The following FAF1 variants were observed in gnomAD, a reference collection of about 807,000 sequenced individuals.
FAF1 encodes FAS-associated factor 1.
Under a neutral mutation model 92.5 loss-of-function variants are expected in FAF1, and 25 were observed. The ratio of observed to expected loss-of-function variants is 0.27; its 90% CI spans 0.20 to 0.38. The LOEUF is 0.38. Among genes scored for constraint, FAF1 ranks in the 10% least tolerant of loss-of-function variants. The pLI, the probability that FAF1 is intolerant of heterozygous loss-of-function variation, is 1.00. For missense variants in FAF1, 636 were observed against 793.3 expected, an observed-to-expected ratio of 0.80 and a Z score of 2.38; for synonymous variants, 234 against 273.2, an observed-to-expected ratio of 0.86 and a Z score of 1.42.
chr1:50,827,398 G>A (rs1467751761), intron 2 of FAF1, among the ~76,000 whole-genome samples: 2 of 152,154 alleles, frequency 1.3e-5, no homozygotes, highest in African/African-American at 4.8e-5. Context: ...GGTGGTGCAA[G>A]ATGTGCTTTG....
chr1:50,860,789 T>C (rs1203367616), intron 1 of FAF1, among the ~76,000 whole-genome samples: 2 of 151,872 alleles, frequency 1.3e-5, no homozygotes, highest in African/African-American at 4.8e-5. Flanking sequence ...ACTCACACGT[T>C]AATCGCAGCA....
intron 1 of FAF1, among the ~76,000 whole-genome samples, chr1:50,887,328 C>T (rs753677836): frequency 7.2e-5 from 11 of 152,122 alleles, no homozygotes; most frequent in Non-Finnish European, 1.3e-4. Flanking sequence ...CGGTAGGTTG[C>T]CTGTTCACTC....
At position 50,440,197 on chromosome 1, in the gene FAF1, G is replaced by T. The variant is rs138067885; in HGVS notation, c.*1243C>A. On this transcript the variant is annotated 3_prime_UTR_variant, in exon 19 of 19. Coordinates refer to ENST00000396153, the MANE Select transcript of FAF1 (RefSeq NM_007051.3). Reference sequence around the variant, plus strand: ...AAACAGATATGGAGAAATATTTCAAGACTAAAAATAAATCATTGGCTGTGA... The same window carrying T: ...AAACAGATATGGAGAAATATTTCAATACTAAAAATAAATCATTGGCTGTGA... The T allele has an allele frequency of 6.6e-6, 1 of 152,146 alleles. No homozygotes were observed. Among genetic ancestry groups the T allele is most frequent in the Non-Finnish European group, 1.5e-5 (1 of 68,022 alleles). The allele number at this position is 152,146 out of a possible 1,614,324, so 9.4% of individuals were successfully genotyped here. A position where few individuals can be genotyped will look rare whatever the true frequency, so the allele number is the denominator to read the frequency against.
At chr1:50,944,108 T>A (rs1645155572) in intron 1 of FAF1, among the ~76,000 whole-genome samples, 1 of 152,176 alleles carries the variant, frequency 6.6e-6, no homozygotes, top group Admixed American at 6.5e-5. Flanking sequence ...TGAGTGAAGT[T>A]GATGAGATGG....
chr1:50,593,476 A>C (rs578078050), intron 9 of FAF1, among the ~76,000 whole-genome samples: 5 of 152,284 alleles, frequency 3.3e-5, no homozygotes, highest in African/African-American at 1.2e-4. Flanking sequence ...AGTATGACCT[A>C]CTCTAGCCAT....
intron 17 of FAF1, among the ~76,000 whole-genome samples, chr1:50,476,920 C>T (rs1646645527): frequency 2.0e-5 from 3 of 152,006 alleles, no homozygotes; most frequent in Admixed American, 2.0e-4. Context: ...AATAAACTTA[C>T]ACAAATAAAA....
At chr1:50,578,149 G>T (rs887418325) in intron 12 of FAF1, among the ~76,000 whole-genome samples, 1 of 152,134 alleles carries the variant, frequency 6.6e-6, no homozygotes, top group Non-Finnish European at 1.5e-5. Context: ...CCTAGCAGAG[G>T]ATTTAAACCT....
rs377584168 is a variant in FAF1, at chr1:50,739,288, A to G, written c.460-334T>C. 1.6e-4 allele frequency among the ~76,000 whole-genome samples: 22 copies of G among 134,046 alleles called. No individual in the cohort carries two copies. In the South Asian group the frequency reaches 2.7e-3, roughly 16 times the overall value. 87.9% of individuals were successfully genotyped at this position (134,046 alleles called of 152,430 possible). ...TGTGTACATGTGCATACATATACAT[A>G]TGTACATGTGTACACGTACATGCAT... On this transcript the variant is annotated intron_variant, in intron 5 of 18. Coordinates refer to ENST00000396153, the MANE Select transcript of FAF1 (RefSeq NM_007051.3).
At chr1:50,514,092 G>C (rs986169493) in intron 15 of FAF1, among the ~76,000 whole-genome samples, 1 of 152,170 alleles carries the variant, frequency 6.6e-6, no homozygotes, top group Non-Finnish European at 1.5e-5. Context: ...TATGGGTTTA[G>C]TTCATTTAAT....
chr1:50,493,790 T>A (rs1192975570), intron 15 of FAF1, among the ~76,000 whole-genome samples: 2 of 152,226 alleles, frequency 1.3e-5, no homozygotes, highest in Non-Finnish European at 1.5e-5. Flanking sequence ...ACATAGCTCA[T>A]CCACAAAATG....
chr1:50,836,170 G>GTTTTTTTTTTTTTTTTTTTTTTTTT lies in FAF1; in HGVS notation c.114+21758_114+21759insAAAAAAAAAAAAAAAAAAAAAAAAA, dbSNP rs36053491. Among the ~76,000 whole-genome samples, 53 of 98,520 alleles carry GTTTTTTTTTTTTTTTTTTTTTTTTT rather than the reference G, an allele frequency of 5.4e-4. 4 individuals are homozygous for GTTTTTTTTTTTTTTTTTTTTTTTTT. The highest frequency in any genetic ancestry group is 7.7e-4 in the African/African-American group (18 of 23,466). The allele number at this position is 98,520 out of a possible 152,430, so 64.6% of individuals were successfully genotyped here. On this transcript the variant is annotated intron_variant, in intron 2 of 18. Transcript: ENST00000396153. Reference sequence around the variant, plus strand: ...GTGTGTGTTTTTGTTTTTTGTTTCTGTTTTTTTTTTTTTTTTTTTAGACAG... The same window carrying GTTTTTTTTTTTTTTTTTTTTTTTTT: ...GTGTGTGTTTTTGTTTTTTGTTTCTGTTTTTTTTTTTTTTTTTTTTTTTTTTTTTTTTTTTTTTTTTTTTAGACAG...
chr1:50,795,805 C>T (rs1661727287), intron 3 of FAF1, among the ~76,000 whole-genome samples: 1 of 152,066 alleles, frequency 6.6e-6, no homozygotes, highest in Non-Finnish European at 1.5e-5. Context: ...TGTTGCTTGG[C>T]CATTTTGTAC....
chr1:50,454,280 T>G (rs983862383), intron 18 of FAF1, among the ~76,000 whole-genome samples: 19 of 152,226 alleles, frequency 1.2e-4, no homozygotes, highest in African/African-American at 4.3e-4. Context: ...TGTCTTGTGC[T>G]TTTCCTCCCT....
At chr1:50,906,763 C>T (rs1570124755) in intron 1 of FAF1, among the ~76,000 whole-genome samples, 1 of 152,176 alleles carries the variant, frequency 6.6e-6, no homozygotes, top group Non-Finnish European at 1.5e-5. Flanking sequence ...TGCTTATCAG[C>T]TTAAGGAGAT....
intron 1 of FAF1, among the ~76,000 whole-genome samples, chr1:50,888,719 T>A (rs1215356765): frequency 6.6e-6 from 1 of 152,214 alleles, no homozygotes; most frequent in Non-Finnish European, 1.5e-5. Context: ...GAAGCCCACC[T>A]GATCATGGTG....
Position 50,801,735 on chromosome 1 carries a change from T to C in FAF1, c.115-58A>G, listed in dbSNP as rs543643755. On this transcript the variant is annotated intron_variant, in intron 2 of 18. Coordinates refer to ENST00000396153, the MANE Select transcript of FAF1 (RefSeq NM_007051.3). Reference sequence around the variant, plus strand: ...GAAACAGATAAATGCCCAAGTGTGGTGGAGAACACTTTAAAAGGAAATAAG... The same window carrying C: ...GAAACAGATAAATGCCCAAGTGTGGCGGAGAACACTTTAAAAGGAAATAAG... The C allele has an allele frequency of 3.2e-6, 3 of 947,516 alleles. No homozygotes were observed. In the Admixed American group the frequency reaches 5.4e-5, roughly 17 times the overall value. 58.7% of individuals were successfully genotyped at this position (947,516 alleles called of 1,614,324 possible). A position where few individuals can be genotyped will look rare whatever the true frequency, so the allele number is the denominator to read the frequency against.
At chr1:50,841,369 T>A (rs1308548791) in intron 2 of FAF1, among the ~76,000 whole-genome samples, 3 of 151,718 alleles carry the variant, frequency 2.0e-5, no homozygotes, top group African/African-American at 4.8e-5. Context: ...TATATATAGA[T>A]CCCAGGAAGA....
In FAF1 at chr1:50,680,685, A is replaced by G. The variant is rs1028026460; in HGVS notation, c.657+25101T>C. 3.4e-5 allele frequency among the ~76,000 whole-genome samples: 5 copies of G among 148,876 alleles called. No homozygotes were observed. In the South Asian group the frequency reaches 1.1e-3, roughly 31 times the overall value. On this transcript the variant is annotated intron_variant, in intron 7 of 18. Coordinates refer to ENST00000396153, the MANE Select transcript of FAF1 (RefSeq NM_007051.3). ...GCGATGAGTGAAAACTCTGTCTCCA[A>G]AAAAAAAAAGAAAGAAAGAAAATCC...
rs994058610 is a variant in FAF1 at position 50,637,873 on chromosome 1, G to C, written c.744+17569C>G. Among the ~76,000 whole-genome samples, 4 of 151,228 alleles carry C rather than the reference G, an allele frequency of 2.6e-5. No homozygotes were observed. The South Asian group carries it at 8.4e-4, about 32-fold the overall frequency. ...ATTTTCCCCAAGTTTAATAGTTGTA[G>C]CTTTTGCATTTAAGTCATCTCTGAT... is the stretch of plus-strand genomic sequence containing the variant. On this transcript the variant is annotated intron_variant, in intron 8 of 18. Transcript: ENST00000396153.
Sources: gnomAD v4.1 joint callset for allele counts (sites outside exome capture counted in the v4.1 genomes callset) on GRCh38, gnomAD v4.1.1 for gene constraint, MANE v1.5 for transcripts, NCBI Gene and HGNC (gene_info 2026-07-23, HGNC 2026-07-21) for gene names.